Variants in SOX5 observed in about 807,000 individuals in gnomAD.
The protein encoded by SOX5 is SRY-box transcription factor 5, also known as transcription factor SOX-5.
In SOX5, 9 loss-of-function variants were observed where a neutral mutation model predicts 92.0. The ratio of observed to expected loss-of-function variants is 0.10; its 90% CI spans 0.06 to 0.17. The LOEUF (loss-of-function observed/expected upper bound fraction) is 0.17, where lower values mean the gene tolerates loss of function less well. Ranked by LOEUF, SOX5 falls within the 10% of genes least tolerant of loss-of-function variation. The pLI, the probability that SOX5 is intolerant of heterozygous loss-of-function variation, is 1.00. For missense variants in SOX5, 642 were observed against 944.5 expected (o/e 0.68, Z 4.20); for synonymous variants, 344 against 336.3 (o/e 1.02, Z -0.25).
intron 1 of SOX5, among the ~76,000 whole-genome samples, chr12:24,459,677 T>C (rs903807200): frequency 1.3e-5 from 2 of 152,172 alleles, no homozygotes; most frequent in Non-Finnish European, 2.9e-5. Context: ...GTCTACTGTA[T>C]CATTTTACTT....
chr12:23,740,792 C>A, intron 5 of SOX5, 75 bp downstream of exon 5: 1 of 1,267,746 alleles, frequency 7.9e-7, no homozygotes, highest in South Asian at 1.4e-5. Flanking sequence ...TTGTTGTGTG[C>A]CTAGGACAGT....
At chr12:23,807,323 G>C (rs1227073862) in intron 3 of SOX5, among the ~76,000 whole-genome samples, 1 of 152,140 alleles carries the variant, frequency 6.6e-6, no homozygotes, top group Non-Finnish European at 1.5e-5. Flanking sequence ...CTTCATTAAG[G>C]TCTTTGCAGA....
chr12:24,044,590 A>G (rs566759735), intron 4 of SOX5, among the ~76,000 whole-genome samples: 1 of 152,346 alleles, frequency 6.6e-6, no homozygotes, highest in Admixed American at 6.5e-5. Context: ...TAAATATTAG[A>G]TTCAAAATGT....
chr12:24,450,851 AATT>A (rs1162229836), intron 1 of SOX5, among the ~76,000 whole-genome samples: 1 of 152,126 alleles, frequency 6.6e-6, no homozygotes, highest in African/African-American at 2.4e-5. Flanking sequence ...TGAAATATAC[AATT>A]ATTATTTACT....
intron 1 of SOX5, among the ~76,000 whole-genome samples, chr12:24,392,285 T>C (rs922617869): frequency 1.2e-4 from 19 of 152,122 alleles, no homozygotes; most frequent in Non-Finnish European, 1.8e-4. Context: ...TTGCAAAATG[T>C]TCATCTGACC....
chr12:24,195,285 T>C (rs1369918711), intron 4 of SOX5, among the ~76,000 whole-genome samples: 1 of 152,158 alleles, frequency 6.6e-6, no homozygotes, highest in Non-Finnish European at 1.5e-5. Flanking sequence ...TTCATAATCA[T>C]CAATTTTTTT....
chr12:23,973,766 C>T (rs1041128670), intron 4 of SOX5, among the ~76,000 whole-genome samples: 4 of 152,280 alleles, frequency 2.6e-5, no homozygotes, highest in Admixed American at 6.5e-5. Context: ...GTGAGCATTA[C>T]CATCTGAGCT....
intron 6 of SOX5, among the ~76,000 whole-genome samples, chr12:23,666,193 A>G (rs1429885827): frequency 2.6e-5 from 4 of 152,096 alleles, no homozygotes; most frequent in Admixed American, 6.6e-5. Flanking sequence ...AACTGGGTCT[A>G]GAATTCAGTC....
chr12:23,598,390 T>TG (rs1387273101), intron 9 of SOX5, among the ~76,000 whole-genome samples: 4 of 42,768 alleles, frequency 9.4e-5, no homozygotes, highest in Non-Finnish European at 8.0e-5. Flanking sequence ...GCTTTATCTT[T>TG]TTTTTTTTTT....
At chr12:24,107,921 GT>G (rs1946868923) in intron 4 of SOX5, among the ~76,000 whole-genome samples, 1 of 152,196 alleles carries the variant, frequency 6.6e-6, no homozygotes, top group South Asian at 2.1e-4. Context: ...CAAGTGAATG[GT>G]TAAGTAAATT....
chr12:24,474,323 C>T (rs1294960624), intron 1 of SOX5, among the ~76,000 whole-genome samples: 2 of 152,120 alleles, frequency 1.3e-5, no homozygotes, highest in African/African-American at 4.8e-5. Context: ...AGTTCCCTAA[C>T]AAAAATAACT....
intron 7 of SOX5, among the ~76,000 whole-genome samples, chr12:23,656,271 T>C (rs1207259349): frequency 2.6e-5 from 4 of 152,050 alleles, no homozygotes; most frequent in Non-Finnish European, 5.9e-5. Flanking sequence ...CACAGATAAC[T>C]TGGGCCACTC....
At chr12:24,108,691 A>C (rs1946974265) in intron 4 of SOX5, among the ~76,000 whole-genome samples, 1 of 152,090 alleles carries the variant, frequency 6.6e-6, no homozygotes, top group Non-Finnish European at 1.5e-5. Flanking sequence ...CTCAAACATG[A>C]CTCTGATATA....
upstream of SOX5, among the ~76,000 whole-genome samples, chr12:23,952,603 T>C (rs562691918): frequency 2.3e-4 from 35 of 152,332 alleles, no homozygotes; most frequent in South Asian, 6.6e-3. Context: ...AACATTACTG[T>C]AGCCATTCAA....
intron 2 of SOX5, among the ~76,000 whole-genome samples, chr12:23,861,793 G>A (rs2096759709): frequency 6.6e-6 from 1 of 152,074 alleles, no homozygotes. Context: ...CCAGCTTTGA[G>A]GTGATTCACA....
chr12:23,680,195 A>G (rs2139780108), intron 6 of SOX5, among the ~76,000 whole-genome samples: 1 of 151,512 alleles, frequency 6.6e-6, no homozygotes, highest in Non-Finnish European at 1.5e-5. Context: ...GTGTGGTGGC[A>G]TATGTCTGTA....
intron 4 of SOX5, among the ~76,000 whole-genome samples, chr12:23,974,421 C>T (rs1948689351): frequency 6.6e-6 from 1 of 152,004 alleles, no homozygotes; most frequent in South Asian, 2.1e-4. Context: ...CCTTAGGTGA[C>T]CCAGACAAAT....
intron 3 of SOX5, among the ~76,000 whole-genome samples, chr12:24,234,067 C>A (rs889820611): frequency 2.0e-5 from 3 of 152,212 alleles, no homozygotes; most frequent in Admixed American, 6.5e-5. Context: ...CTTCCTCATA[C>A]TTCCTATTGT....
At chr12:24,484,858 T>G (rs1946358567) in intron 1 of SOX5, among the ~76,000 whole-genome samples, 2 of 152,128 alleles carry the variant, frequency 1.3e-5, no homozygotes, top group African/African-American at 4.8e-5. Flanking sequence ...AATCTGGAGG[T>G]AGAAATAAAA....
Sources: allele counts gnomAD v4.1 joint callset (sites outside exome capture counted in the v4.1 genomes callset), GRCh38; gene constraint gnomAD v4.1.1; transcripts MANE v1.5; gene names NCBI Gene and HGNC (gene_info 2026-07-23, HGNC 2026-07-21).